The following SCAMP1 variants were observed in gnomAD, a reference collection of about 807,000 sequenced individuals.
SCAMP1 encodes secretory carrier-associated membrane protein 1.
In SCAMP1, 15 loss-of-function variants were observed where a neutral mutation model predicts 41.8. That is an observed-to-expected ratio of 0.36 (90% CI 0.24 to 0.55). The LOEUF is 0.55. Ranked by LOEUF, SCAMP1 falls within the 20% of genes least tolerant of loss-of-function variation. SCAMP1 has a pLI of 0.86. For synonymous variants in SCAMP1, 135 were observed against 136.8 expected, an observed-to-expected ratio of 0.99 and a Z score of 0.09; for missense variants, 341 against 412.6, an observed-to-expected ratio of 0.83 and a Z score of 1.50.
chr5:78,419,592 G>T (rs899600346), intron 5 of SCAMP1, among the ~76,000 whole-genome samples: 12 of 152,134 alleles, frequency 7.9e-5, no homozygotes, highest in Non-Finnish European at 1.6e-4. Flanking sequence ...ATTCCAAACA[G>T]TAGTCTCAGC....
At chr5:78,421,432 C>T (rs11949032) in intron 5 of SCAMP1, among the ~76,000 whole-genome samples, 1 of 151,814 alleles carries the variant, frequency 6.6e-6, no homozygotes. Context: ...CTCCTAAGTC[C>T]TGGGTCTTTT....
intron 6 of SCAMP1, among the ~76,000 whole-genome samples, chr5:78,434,149 G>A (rs1752688236): frequency 6.6e-6 from 1 of 152,176 alleles, no homozygotes; most frequent in Non-Finnish European, 1.5e-5. Context: ...GAGATCTGTG[G>A]AGAAGAGCCT....
At chr5:78,384,983 G>T (rs978538455) in intron 1 of SCAMP1, among the ~76,000 whole-genome samples, 1 of 152,162 alleles carries the variant, frequency 6.6e-6, no homozygotes, top group East Asian at 1.9e-4. Context: ...TTTAGGGGGG[G>T]ATTCCCTCTC....
rs769189952 is a variant in SCAMP1, at chr5:78,478,383, T to C, written c.*2715T>C. On this transcript the variant is annotated 3_prime_UTR_variant, in exon 9 of 9. Coordinates refer to ENST00000621999, the MANE Select transcript of SCAMP1 (RefSeq NM_004866.6). ...ATTCCATGTTTGATTTTTTAAAATA[T>C]GTGTATAAGTCTGTCATGTGCTAAA... 1 of 152,642 alleles carries C rather than the reference T, an allele frequency of 6.6e-6. No homozygotes were observed. Among genetic ancestry groups the C allele is most frequent in the Non-Finnish European group, 1.5e-5 (1 of 68,002 alleles). The allele number at this position is 152,642 out of a possible 1,614,324, so 9.5% of individuals were successfully genotyped here.
intron 3 of SCAMP1, 76 bp from the exon 4 acceptor site, chr5:78,416,465 G>C (rs1485553219): frequency 9.4e-7 from 1 of 1,060,362 alleles, no homozygotes; most frequent in African/African-American, 1.6e-5. Flanking sequence ...TAGTAGAGAA[G>C]TAGGAGTTAG....
chr5:78,395,462 G>A (rs1274596010), intron 2 of SCAMP1, among the ~76,000 whole-genome samples: 3 of 152,192 alleles, frequency 2.0e-5, no homozygotes, highest in African/African-American at 2.4e-5. Flanking sequence ...CTGTTGCTGT[G>A]TAACAAATTA....
chr5:78,386,419 C>CT (rs1460866861), intron 1 of SCAMP1, among the ~76,000 whole-genome samples: 1 of 152,020 alleles, frequency 6.6e-6, no homozygotes, highest in Non-Finnish European at 1.5e-5. Context: ...ATTCTGTATC[C>CT]TTTAAGTGGA....
chr5:78,480,680 A>C lies in SCAMP1; in HGVS notation c.*5012A>C, dbSNP rs754488671. Among the ~76,000 whole-genome samples the C allele has an allele frequency of 6.6e-6, 1 of 152,224 alleles. No individual in the cohort carries two copies. The highest frequency in any genetic ancestry group is 1.5e-5 in the Non-Finnish European group (1 of 68,044). Reference sequence around the variant, plus strand: ...AAAGCAATACATAATGTGTTGTAGAACAATTAAAAATTCAGAAAGTGATAC... The same window carrying C: ...AAAGCAATACATAATGTGTTGTAGACCAATTAAAAATTCAGAAAGTGATAC... On this transcript the variant is annotated 3_prime_UTR_variant, in exon 9 of 9. Coordinates refer to ENST00000621999, the MANE Select transcript of SCAMP1 (RefSeq NM_004866.6).
chr5:78,450,355 C>T lies in SCAMP1; in HGVS notation c.734+321C>T, dbSNP rs183067516. On this transcript the variant is annotated intron_variant, in intron 7 of 8. Transcript: ENST00000621999. ...GAGGGACCAAGGAATGTGGAAGGGACAGGAAAGAGCTTCAGGGATTCTAAG... is the reference window on the plus strand; with the variant it reads ...GAGGGACCAAGGAATGTGGAAGGGATAGGAAAGAGCTTCAGGGATTCTAAG... Among the ~76,000 whole-genome samples the T allele has an allele frequency of 2.0e-5, 3 of 152,096 alleles. No individual in the cohort carries two copies. The East Asian group carries it at 5.8e-4, about 29-fold the overall frequency.
intron 8 of SCAMP1, among the ~76,000 whole-genome samples, chr5:78,464,715 C>T (rs1753701183): frequency 1.3e-5 from 2 of 152,094 alleles, no homozygotes; most frequent in African/African-American, 4.8e-5. Context: ...ACACTACATG[C>T]CATAAAGCCA....
chr5:78,462,275 G>A (rs951479572), intron 8 of SCAMP1, among the ~76,000 whole-genome samples: 9 of 151,518 alleles, frequency 5.9e-5, no homozygotes, highest in Admixed American at 2.6e-4. Context: ...CAGCTTGAAC[G>A]TTGTTGGTGT....
chr5:78,464,523 T>C (rs1014630151), intron 8 of SCAMP1, among the ~76,000 whole-genome samples: 1 of 152,320 alleles, frequency 6.6e-6, no homozygotes, highest in East Asian at 1.9e-4. Context: ...AGGTTACTTA[T>C]ATTCCCTCAT....
intron 7 of SCAMP1, among the ~76,000 whole-genome samples, chr5:78,451,273 A>G (rs1753218850): frequency 6.6e-6 from 1 of 152,232 alleles, no homozygotes; most frequent in African/African-American, 2.4e-5. Flanking sequence ...TTAGGTAATC[A>G]TAGATTCACA....
chr5:78,442,358 C>T lies in SCAMP1; in HGVS notation c.633-7575C>T, dbSNP rs142585725. Among the ~76,000 whole-genome samples, 1,343 of 152,248 alleles carry T rather than the reference C, an allele frequency of 8.8e-3. 27 individuals carry two copies. The highest frequency in any genetic ancestry group is 0.031 in the African/African-American group (1,277 of 41,538). ...CTATCTCTGCTCACTGCAACCTCAG[C>T]CTCCTGGGTTCAAGCAGTTCTCCTG... On this transcript the variant is annotated intron_variant, in intron 6 of 8. Coordinates refer to ENST00000621999, the MANE Select transcript of SCAMP1 (RefSeq NM_004866.6).
At chr5:78,423,036 A>G (rs1752380493) in intron 6 of SCAMP1, among the ~76,000 whole-genome samples, 2 of 140,774 alleles carry the variant, frequency 1.4e-5, no homozygotes, top group African/African-American at 5.0e-5. Flanking sequence ...ACACACACAC[A>G]CACACACACA....
intron 2 of SCAMP1, among the ~76,000 whole-genome samples, chr5:78,390,823 G>C (rs1751470711): frequency 6.6e-6 from 1 of 150,984 alleles, no homozygotes; most frequent in Non-Finnish European, 1.5e-5. Flanking sequence ...TTGTGTCCCT[G>C]GGTGCTTGAG....
chr5:78,372,028 A>G (rs976264300), intron 1 of SCAMP1, among the ~76,000 whole-genome samples: 6 of 152,238 alleles, frequency 3.9e-5, no homozygotes, highest in Non-Finnish European at 5.9e-5. Context: ...ATATATAGCT[A>G]TTAAAGATGT....
Position 78,451,992 on chromosome 5 carries a change from G to GTATC in SCAMP1, c.734+1959_734+1962dup, listed in dbSNP as rs536085536. Among the ~76,000 whole-genome samples, 33 of 152,278 alleles carry GTATC rather than the reference G, an allele frequency of 2.2e-4. No individual in the cohort carries two copies. The South Asian group carries it at 6.6e-3, about 31-fold the overall frequency. On this transcript the variant is annotated intron_variant, in intron 7 of 8. Transcript: ENST00000621999. ...TTGAGTAGTATTCTATGATATGGAT[G>GTATC]TATCACAGGTTATTTAACTGTTCAC...
chr5:78,448,620 C>T (rs1287026806), intron 6 of SCAMP1, among the ~76,000 whole-genome samples: 1 of 152,162 alleles, frequency 6.6e-6, no homozygotes, highest in Non-Finnish European at 1.5e-5. Context: ...ACAGCTATTA[C>T]AATAGCTAGA....
Sources: allele counts gnomAD v4.1 joint callset (sites outside exome capture counted in the v4.1 genomes callset), GRCh38; gene constraint gnomAD v4.1.1; transcripts MANE v1.5; gene names NCBI Gene and HGNC (gene_info 2026-07-23, HGNC 2026-07-21).